The following SIK3 variants were observed in gnomAD, a reference collection of about 807,000 sequenced individuals.
The protein encoded by SIK3 is SIK family kinase 3.
A neutral mutation model predicts 144.2 loss-of-function variants in SIK3; 28 were observed. That is an observed-to-expected ratio of 0.19 (90% CI 0.14 to 0.27). SIK3 has a LOEUF of 0.27. Among genes scored for constraint, SIK3 ranks in the 10% least tolerant of loss-of-function variants. The probability of loss-of-function intolerance (pLI) is 1.00; values close to 1 mark genes in which losing one functional copy is unlikely to be tolerated. For synonymous variants in SIK3, 686 were observed against 676.3 expected (o/e 1.01, Z -0.22); for missense variants, 1,319 against 1,776.0 (o/e 0.74, Z 4.62).
intron 1 of SIK3, among the ~76,000 whole-genome samples, chr11:116,960,103 C>G (rs185253499): frequency 6.6e-6 from 1 of 152,260 alleles, no homozygotes; most frequent in East Asian, 1.9e-4. Flanking sequence ...TGTACTTCAT[C>G]TTTTCAGGAA....
intron 1 of SIK3, among the ~76,000 whole-genome samples, chr11:117,036,659 T>A (rs1952519147): frequency 2.6e-5 from 4 of 152,224 alleles, no homozygotes; most frequent in Admixed American, 2.6e-4. Context: ...TGTGTTAACA[T>A]ATCGTTAATT....
intron 6 of SIK3, 134 bp downstream of exon 6, chr11:116,896,119 C>A: frequency 8.1e-7 from 1 of 1,237,174 alleles, no homozygotes; most frequent in South Asian, 1.4e-5. Context: ...CTCCTGGAGG[C>A]ATCAGGTCAG....
chr11:116,849,003 A>G lies in SIK3; in HGVS notation c.3819+117T>C. Reference sequence around the variant, plus strand: ...AGAAATGCTCCCCACCGTTTCCAGAAAGGCTGAATGCTGACTGAGGAGAGC... The same window carrying G: ...AGAAATGCTCCCCACCGTTTCCAGAGAGGCTGAATGCTGACTGAGGAGAGC... On this transcript the variant is annotated intron_variant, in intron 22 of 24. Coordinates refer to ENST00000445177, the MANE Select transcript of SIK3 (RefSeq NM_001366686.3). This position sits in a 1 kb window ranked among gnomAD's most constrained non-coding sequence, Gnocchi z 4.2. The G allele has an allele frequency of 8.4e-7, 1 of 1,184,606 alleles. No homozygotes were observed. The allele number at this position is 1,184,606 out of a possible 1,614,324, so 73.4% of individuals were successfully genotyped here. A position where few individuals can be genotyped will look rare whatever the true frequency, so the allele number is the denominator to read the frequency against.
intron 3 of SIK3, among the ~76,000 whole-genome samples, chr11:116,947,393 T>C (rs973237756): frequency 2.7e-5 from 4 of 148,386 alleles, no homozygotes; most frequent in Admixed American, 6.9e-5. Flanking sequence ...AGTTGAACAT[T>C]TGTGGAAGTC....
At chr11:116,873,831 GTGCC>G in intron 12 of SIK3, 68 bp downstream of exon 12, 1 of 1,538,456 alleles carries the variant, frequency 6.5e-7, no homozygotes. Flanking sequence ...CCTAGGGAAG[GTGCC>G]TCATAGCCTC....
chr11:116,933,135 TCC>T (rs1223942491), intron 3 of SIK3, among the ~76,000 whole-genome samples: 1 of 138,386 alleles, frequency 7.2e-6, no homozygotes, highest in Non-Finnish European at 1.5e-5. Flanking sequence ...TTAACCTTGC[TCC>T]TTTTTTTTTT....
chr11:116,998,357 G>C (rs1458398250), intron 1 of SIK3, among the ~76,000 whole-genome samples: 2 of 151,692 alleles, frequency 1.3e-5, no homozygotes, highest in East Asian at 1.9e-4. Flanking sequence ...TGTAGTCCCA[G>C]CTACTCAGGA....
chr11:117,058,967 T>C (rs1033092424), intron 1 of SIK3, among the ~76,000 whole-genome samples: 3 of 152,184 alleles, frequency 2.0e-5, no homozygotes, highest in African/African-American at 7.2e-5. Context: ...TGACCAATTA[T>C]GGCATCCATA....
intron 1 of SIK3, among the ~76,000 whole-genome samples, chr11:117,086,421 G>A (rs1955007256): frequency 6.6e-6 from 1 of 152,230 alleles, no homozygotes; most frequent in African/African-American, 2.4e-5. Flanking sequence ...GCTGGGTGCA[G>A]TGGCTCACGC....
chr11:117,036,020 G>A, intron 1 of SIK3: 1 of 1,470,322 alleles, frequency 6.8e-7, no homozygotes, highest in Non-Finnish European at 9.3e-7. Flanking sequence ...CTTTTCTGGA[G>A]AGGGATGAAG....
rs1944063806 is a variant in SIK3 at position 116,873,399 on chromosome 11, C to T, written c.1737+82G>A. ...AAGGAAATTCAGACATGTAGGTTGG[C>T]CCTGGGTTCCCAACCCCAGGCTCAC... On this transcript the variant is annotated intron_variant, in intron 13 of 24. Transcript: ENST00000445177. 1.9e-6 allele frequency: 3 copies of T among 1,579,056 alleles called. No individual in the cohort carries two copies. In the African/African-American group the frequency reaches 4.0e-5, roughly 21 times the overall value.
intron 13 of SIK3, among the ~76,000 whole-genome samples, chr11:116,870,839 A>C (rs1021014455): frequency 6.6e-6 from 1 of 152,192 alleles, no homozygotes; most frequent in Non-Finnish European, 1.5e-5. Flanking sequence ...TGAAGGATGC[A>C]CAGGAGCTGG....
At chr11:117,061,264 C>T (rs1279483326) in intron 1 of SIK3, among the ~76,000 whole-genome samples, 2 of 151,860 alleles carry the variant, frequency 1.3e-5, no homozygotes, top group Non-Finnish European at 2.9e-5. Flanking sequence ...AAAATAAAGC[C>T]TATTCATTAA....
At chr11:117,001,516 A>AT (rs1950849480) in intron 1 of SIK3, among the ~76,000 whole-genome samples, 1 of 151,426 alleles carries the variant, frequency 6.6e-6, no homozygotes, top group Admixed American at 6.6e-5. Context: ...AAAAAAAAAA[A>AT]ATTTAAAATA....
At chr11:116,862,552 A>G (rs927102725) in intron 16 of SIK3, among the ~76,000 whole-genome samples, 1 of 152,370 alleles carries the variant, frequency 6.6e-6, no homozygotes, top group South Asian at 2.1e-4. Flanking sequence ...TGGCCTTTGT[A>G]TGAGTACAAG....
chr11:116,992,320 C>A lies in SIK3; in HGVS notation c.274-35256G>T, dbSNP rs1267871409. ...AGCCTGGGCAACAGAGCAAGACCCC[C>A]CCCCCCAAAAAAAAACACCTCATAT... On this transcript the variant is annotated intron_variant, in intron 1 of 24. Transcript: ENST00000445177. Among the ~76,000 whole-genome samples, 181 of 144,960 alleles carry A rather than the reference C, an allele frequency of 1.2e-3. 2 individuals are homozygous for A. The highest frequency in any genetic ancestry group is 4.2e-3 in the African/African-American group (162 of 38,118).
At chr11:116,890,373 A>C (rs1945038596) in intron 6 of SIK3, among the ~76,000 whole-genome samples, 1 of 152,216 alleles carries the variant, frequency 6.6e-6, no homozygotes, top group Non-Finnish European at 1.5e-5. Flanking sequence ...AGACCAAAGA[A>C]GGGGCAATGA....
At chr11:116,862,370 C>T (rs904055580) in intron 16 of SIK3, 43 bp from the exon 17 acceptor site, 6 of 1,612,388 alleles carry the variant, frequency 3.7e-6, no homozygotes, top group East Asian at 4.5e-5. Context: ...CAGCCAGACC[C>T]GCCTCATGCA....
chr11:117,072,805 C>T (rs1206038427), intron 1 of SIK3, among the ~76,000 whole-genome samples: 1 of 152,206 alleles, frequency 6.6e-6, no homozygotes, highest in African/African-American at 2.4e-5. Flanking sequence ...ACCTCTCATA[C>T]TAACAATTCC....
Sources: allele counts gnomAD v4.1 joint callset (sites outside exome capture counted in the v4.1 genomes callset), GRCh38; gene constraint gnomAD v4.1.1; non-coding constraint Gnocchi (gnomAD v3.1); transcripts MANE v1.5; gene names NCBI Gene and HGNC (gene_info 2026-07-23, HGNC 2026-07-21).